The following WWOX variants were observed in gnomAD, a reference collection of about 807,000 sequenced individuals.
WWOX encodes the protein WW domain-containing oxidoreductase.
In WWOX, 69 loss-of-function variants were observed where a neutral mutation model predicts 46.2. The observed-to-expected ratio is 1.49, with a 90% CI of 1.23 to 1.82. WWOX has a LOEUF of 1.82. Ranked by LOEUF, WWOX falls within the 40% of genes most tolerant of loss-of-function variation. WWOX has a pLI of 0.00. For missense variants in WWOX, 919 were observed against 542.6 expected, an observed-to-expected ratio of 1.69 and a Z score of -6.89; for synonymous variants, 359 against 202.6, an observed-to-expected ratio of 1.77 and a Z score of -6.56.
At chr16:78,521,301 C>T (rs537820977) in intron 8 of WWOX, among the ~76,000 whole-genome samples, 3 of 152,110 alleles carry the variant, frequency 2.0e-5, no homozygotes, top group Non-Finnish European at 2.9e-5. Flanking sequence ...AAGTGATCCT[C>T]CCACCTCAGC....
intron 8 of WWOX, among the ~76,000 whole-genome samples, chr16:78,982,229 A>G (rs1303480860): frequency 1.3e-5 from 2 of 152,222 alleles, no homozygotes; most frequent in African/African-American, 4.8e-5. Context: ...ATGAATTTGC[A>G]TTCCTTCCAA....
chr16:78,345,882 T>C (rs1314974430), intron 5 of WWOX, among the ~76,000 whole-genome samples: 1 of 119,458 alleles, frequency 8.4e-6, no homozygotes, highest in African/African-American at 2.8e-5. Flanking sequence ...CTAATTTATG[T>C]AAAATAAATT....
Position 78,099,708 on chromosome 16 carries a change from C to T in WWOX, c.-71C>T, listed in dbSNP as rs1010304977. On this transcript the variant is annotated 5_prime_UTR_variant, in exon 1 of 9. Transcript: ENST00000566780. ...CGACGCGCGCGGGTCTCGTTTGGAG[C>T]GGGAGTGAGTTCCTGAGCGAGTGGA... 10 of 1,478,536 alleles carry T rather than the reference C, an allele frequency of 6.8e-6. No individual in the cohort carries two copies. The East Asian group carries it at 2.4e-4, about 35-fold the overall frequency. 91.6% of individuals were successfully genotyped at this position (1,478,536 alleles called of 1,614,324 possible).
At chr16:78,574,156 T>G (rs900971611) in intron 8 of WWOX, among the ~76,000 whole-genome samples, 1 of 152,192 alleles carries the variant, frequency 6.6e-6, no homozygotes, top group African/African-American at 2.4e-5. Context: ...TATCTGGGCT[T>G]TTCCCACAAA....
chr16:78,143,396 G>A (rs748892260), intron 4 of WWOX, among the ~76,000 whole-genome samples: 1 of 152,086 alleles, frequency 6.6e-6, no homozygotes, highest in African/African-American at 2.4e-5. Flanking sequence ...ATGTTAAAAG[G>A]ATATTGTCTA....
chr16:78,901,204 A>G (rs924319695), intron 8 of WWOX, among the ~76,000 whole-genome samples: 1 of 152,216 alleles, frequency 6.6e-6, no homozygotes, highest in Non-Finnish European at 1.5e-5. Context: ...GCTGAAGGAG[A>G]TAAAGGAATG....
chr16:78,317,886 T>G (rs905190151), intron 5 of WWOX, among the ~76,000 whole-genome samples: 3 of 152,206 alleles, frequency 2.0e-5, no homozygotes, highest in Non-Finnish European at 4.4e-5. Flanking sequence ...CATCTTCTGT[T>G]TCTGTTTTAG....
At chr16:78,634,456 C>T (rs1384338038) in intron 8 of WWOX, among the ~76,000 whole-genome samples, 1 of 152,046 alleles carries the variant, frequency 6.6e-6, no homozygotes, top group Non-Finnish European at 1.5e-5. Context: ...GCCTGTAATC[C>T]CAGCACTTTG....
At chr16:79,096,849 CT>C (rs554412135) in intron 8 of WWOX, among the ~76,000 whole-genome samples, 93 of 152,164 alleles carry the variant, frequency 6.1e-4, no homozygotes, top group African/African-American at 2.1e-3. Flanking sequence ...GAAGAAGGAG[CT>C]TGAAGCCGAG....
At chr16:78,367,127 C>A (rs951915457) in intron 5 of WWOX, among the ~76,000 whole-genome samples, 12 of 151,820 alleles carry the variant, frequency 7.9e-5, no homozygotes, top group African/African-American at 2.7e-4. Context: ...CTACAGGTGC[C>A]TGCCACCACG....
intron 8 of WWOX, among the ~76,000 whole-genome samples, chr16:78,546,583 G>A (rs1174390330): frequency 1.3e-5 from 2 of 152,086 alleles, no homozygotes; most frequent in African/African-American, 4.8e-5. Flanking sequence ...CAAAACTTCT[G>A]GATACCTGAG....
At chr16:78,599,179 G>C (rs1436322205) in intron 8 of WWOX, among the ~76,000 whole-genome samples, 2 of 152,194 alleles carry the variant, frequency 1.3e-5, no homozygotes, top group African/African-American at 4.8e-5. Flanking sequence ...CCGGGATCAA[G>C]ACAGAAATGT....
chr16:78,250,529 C>T (rs1370616632), intron 5 of WWOX, among the ~76,000 whole-genome samples: 1 of 152,118 alleles, frequency 6.6e-6, no homozygotes, highest in Non-Finnish European at 1.5e-5. Context: ...GGTACATATG[C>T]TGTGCCATGG....
Position 79,118,528 on chromosome 16 carries a change from G to A in WWOX, c.1057-93080G>A, listed in dbSNP as rs114673120. On this transcript the variant is annotated intron_variant, in intron 8 of 8. Transcript: ENST00000566780. ...TGCCGATAGTCTTCCTTAATGCAAA[G>A]TTGCCAGAAACCTTCGATTTGTAAA... is the stretch of plus-strand genomic sequence containing the variant. 7.8e-3 allele frequency among the ~76,000 whole-genome samples: 1,184 copies of A among 152,300 alleles called. 12 individuals are homozygous for A. The highest frequency in any genetic ancestry group is 0.026 in the African/African-American group (1,095 of 41,560).
chr16:78,674,974 G>A (rs1464462314), intron 8 of WWOX, among the ~76,000 whole-genome samples: 3 of 152,050 alleles, frequency 2.0e-5, no homozygotes, highest in Non-Finnish European at 4.4e-5. Context: ...AGTGAAACAT[G>A]ATTAACCATG....
chr16:78,970,359 G>C (rs2046446100), intron 8 of WWOX, among the ~76,000 whole-genome samples: 1 of 152,166 alleles, frequency 6.6e-6, no homozygotes, highest in South Asian at 2.1e-4. Flanking sequence ...AATGGTTTTT[G>C]AATAACATCA....
At position 78,161,469 on chromosome 16, in the gene WWOX, C is replaced by G. The variant is rs921836155; in HGVS notation, c.410-2714C>G. Among the ~76,000 whole-genome samples the G allele has an allele frequency of 2.6e-5, 4 of 151,300 alleles. No individual in the cohort carries two copies. In the South Asian group the frequency reaches 6.3e-4, roughly 24 times the overall value. The stretch of plus-strand genomic sequence containing the variant: ...TTTCTTTCTTCCATTTAAATTGAGA[C>G]AGGGCCTTGCTCTGTCACTCTGGCT... On this transcript the variant is annotated intron_variant, in intron 4 of 8. Coordinates refer to ENST00000566780, the MANE Select transcript of WWOX (RefSeq NM_016373.4).
intron 5 of WWOX, among the ~76,000 whole-genome samples, chr16:78,226,452 T>C (rs978227764): frequency 6.6e-6 from 1 of 150,934 alleles, no homozygotes; most frequent in Non-Finnish European, 1.5e-5. Flanking sequence ...CTTTCCTTTC[T>C]TGTCCTGTCC....
intron 8 of WWOX, among the ~76,000 whole-genome samples, chr16:78,798,313 GAAAAA>G (rs68153042): frequency 2.0e-5 from 3 of 149,386 alleles, no homozygotes; most frequent in Admixed American, 6.7e-5. Flanking sequence ...TCAAGAGAGA[GAAAAA>G]AAAAGAAAAA....
Sources: gnomAD v4.1 joint callset for allele counts (sites outside exome capture counted in the v4.1 genomes callset) on GRCh38, gnomAD v4.1.1 for gene constraint, MANE v1.5 for transcripts, NCBI Gene and HGNC (gene_info 2026-07-23, HGNC 2026-07-21) for gene names.